Variants in EPHA6 observed in about 807,000 individuals in gnomAD.
EPHA6 encodes EPH receptor A6.
EPHA6 carries 50 observed loss-of-function variants against 112.0 expected under a neutral mutation model. That is an observed-to-expected ratio of 0.45 (90% CI 0.36 to 0.56). The LOEUF (loss-of-function observed/expected upper bound fraction) is 0.56. Ranked by LOEUF, EPHA6 falls within the 20% of genes least tolerant of loss-of-function variation. The probability of loss-of-function intolerance (pLI) is 0.00; values close to 1 mark genes in which losing one functional copy is unlikely to be tolerated. For synonymous variants in EPHA6, 529 were observed against 490.7 expected (o/e 1.08, Z -1.03); for missense variants, 1,280 against 1,417.4 (o/e 0.90, Z 1.56).
intron 3 of EPHA6, among the ~76,000 whole-genome samples, chr3:97,201,369 A>G (rs1402662368): frequency 4.6e-5 from 7 of 152,080 alleles, no homozygotes; most frequent in African/African-American, 1.7e-4. Flanking sequence ...TCAATTTTAT[A>G]TAATTATTTT....
In EPHA6 at chr3:96,861,971, G is replaced by A. The variant is rs181160130; in HGVS notation, c.386-4854G>A. On this transcript the variant is annotated intron_variant, in intron 1 of 17. Transcript: ENST00000389672. The stretch of plus-strand genomic sequence containing the variant: ...CAGAATTAAATATGGTTGCAACTCC[G>A]TGTGAGGGTAGTTACCCATATTATA... Among the ~76,000 whole-genome samples the A allele has an allele frequency of 5.3e-3, 802 of 151,848 alleles. 7 individuals carry two copies. The highest frequency in any genetic ancestry group is 0.019 in the African/African-American group (783 of 41,470).
intron 5 of EPHA6, among the ~76,000 whole-genome samples, chr3:97,333,392 G>GT (rs1378656788): frequency 1.4e-5 from 2 of 147,794 alleles, no homozygotes; most frequent in Non-Finnish European, 3.0e-5. Context: ...ATCCCTTGAG[G>GT]TTTTTTGTGA....
chr3:97,236,613 A>G (rs2078688030), intron 4 of EPHA6, among the ~76,000 whole-genome samples: 1 of 152,158 alleles, frequency 6.6e-6, no homozygotes, highest in African/African-American at 2.4e-5. Flanking sequence ...AATCAAACAA[A>G]TACCTATGAG....
chr3:97,089,582 A>G (rs1478700690), intron 3 of EPHA6, among the ~76,000 whole-genome samples: 4 of 152,274 alleles, frequency 2.6e-5, no homozygotes, highest in Non-Finnish European at 5.9e-5. Flanking sequence ...AATTCCACAC[A>G]TTGTTTTCAA....
chr3:97,406,963 C>T (rs1460080503), intron 6 of EPHA6, among the ~76,000 whole-genome samples: 2 of 152,004 alleles, frequency 1.3e-5, no homozygotes, highest in Admixed American at 6.6e-5. Flanking sequence ...AAGCAATGTG[C>T]ATATATATAC....
chr3:97,215,335 GTA>G (rs1167771921), intron 3 of EPHA6, among the ~76,000 whole-genome samples: 1 of 152,142 alleles, frequency 6.6e-6, no homozygotes, highest in Admixed American at 6.5e-5. Flanking sequence ...GTGTGTGTGT[GTA>G]TGTGACTGAA....
intron 3 of EPHA6, among the ~76,000 whole-genome samples, chr3:97,112,499 A>G (rs2047752898): frequency 6.6e-6 from 1 of 152,108 alleles, no homozygotes; most frequent in South Asian, 2.1e-4. Context: ...CTATTTTTCT[A>G]GAGTTTACTT....
chr3:97,507,092 A>G (rs771934604), intron 10 of EPHA6, among the ~76,000 whole-genome samples: 2 of 152,168 alleles, frequency 1.3e-5, no homozygotes, highest in Non-Finnish European at 2.9e-5. Flanking sequence ...TTCTAAATAT[A>G]CAATCATGTC....
chr3:97,437,038 T>A (rs1246942145), intron 6 of EPHA6, among the ~76,000 whole-genome samples: 1 of 152,112 alleles, frequency 6.6e-6, no homozygotes, highest in Non-Finnish European at 1.5e-5. Context: ...TATGAGATTT[T>A]TTTTTTTTTT....
chr3:96,998,108 T>C (rs894969889), intron 3 of EPHA6, among the ~76,000 whole-genome samples: 1 of 152,052 alleles, frequency 6.6e-6, no homozygotes, highest in African/African-American at 2.4e-5. Flanking sequence ...TGTAGGGCTA[T>C]AGGGCTGTCC....
At chr3:97,657,817 A>G (rs907950344) in intron 14 of EPHA6, among the ~76,000 whole-genome samples, 1 of 151,840 alleles carries the variant, frequency 6.6e-6, no homozygotes, top group Non-Finnish European at 1.5e-5. Context: ...AATAGCAAGA[A>G]TTTCCAATCT....
intron 15 of EPHA6, among the ~76,000 whole-genome samples, chr3:97,730,105 G>A (rs754226560): frequency 6.6e-5 from 10 of 152,070 alleles, no homozygotes; most frequent in Non-Finnish European, 1.3e-4. Flanking sequence ...CACAGTCTAA[G>A]CAGTCCTTGC....
chr3:97,311,381 A>G (rs1403746509), intron 5 of EPHA6, among the ~76,000 whole-genome samples: 3 of 151,164 alleles, frequency 2.0e-5, no homozygotes, highest in Non-Finnish European at 4.4e-5. Context: ...TAATCTCTCT[A>G]AAGACTTGAC....
intron 2 of EPHA6, among the ~76,000 whole-genome samples, chr3:96,933,891 G>A (rs1320071926): frequency 6.6e-6 from 1 of 151,960 alleles, no homozygotes; most frequent in Non-Finnish European, 1.5e-5. Context: ...AACAGGAAAT[G>A]ACCAGATGAT....
chr3:97,430,178 G>A (rs187831063), intron 6 of EPHA6, among the ~76,000 whole-genome samples: 2 of 152,068 alleles, frequency 1.3e-5, no homozygotes, highest in East Asian at 1.9e-4. Context: ...ATTACATTGG[G>A]CATTACTAAA....
chr3:97,226,492 A>G, intron 4 of EPHA6, 73 bp downstream of exon 4: 1 of 1,374,242 alleles, frequency 7.3e-7, no homozygotes, highest in African/African-American at 1.5e-5. Context: ...AATTTAAAAA[A>G]TAAGTAAATG....
chr3:96,922,351 T>A (rs773404395), intron 2 of EPHA6, among the ~76,000 whole-genome samples: 4 of 152,090 alleles, frequency 2.6e-5, no homozygotes, highest in Admixed American at 6.5e-5. Context: ...AATCACTAAG[T>A]GAAATGATTG....
chr3:96,829,988 C>CACACACACACAG (rs1320137235), intron 1 of EPHA6, among the ~76,000 whole-genome samples: 1 of 149,070 alleles, frequency 6.7e-6, no homozygotes, highest in African/African-American at 2.5e-5. Flanking sequence ...CACACACACA[C>CACACACACACAG]AGAAATGGTA....
At chr3:97,154,194 A>T (rs1174151886) in intron 3 of EPHA6, among the ~76,000 whole-genome samples, 1 of 151,554 alleles carries the variant, frequency 6.6e-6, no homozygotes, top group Non-Finnish European at 1.5e-5. Flanking sequence ...TCAGTCTTTG[A>T]TGGAAACTAT....
Sources: gnomAD v4.1 joint callset for allele counts (sites outside exome capture counted in the v4.1 genomes callset) on GRCh38, gnomAD v4.1.1 for gene constraint, MANE v1.5 for transcripts, NCBI Gene and HGNC (gene_info 2026-07-23, HGNC 2026-07-21) for gene names.